CPM: variants seen among roughly 807,000 people sequenced by gnomAD.
CPM encodes carboxypeptidase M.
Under a neutral mutation model 46.4 loss-of-function variants are expected in CPM, and 35 were observed. That is an observed-to-expected ratio of 0.75 (90% CI 0.58 to 1.00). CPM has a LOEUF of 1.00. CPM is among the 50% of genes least tolerant of loss of function. The pLI is 0.00. For missense variants in CPM, 422 were observed against 530.4 expected (o/e 0.80, Z 2.01); for synonymous variants, 195 against 195.3 (o/e 1.00, Z 0.01).
intron 3 of CPM, among the ~76,000 whole-genome samples, chr12:68,876,956 A>T (rs540304287): frequency 3.3e-5 from 5 of 151,864 alleles, no homozygotes; most frequent in Admixed American, 6.6e-5. Flanking sequence ...AGCTATCCTA[A>T]CAATGGAATC....
intron 3 of CPM, among the ~76,000 whole-genome samples, chr12:68,884,269 C>G (rs768229661): frequency 1.6e-4 from 25 of 152,132 alleles, no homozygotes; most frequent in Non-Finnish European, 3.1e-4. Context: ...GCAACGTAGT[C>G]TTTTTTAAAG....
rs561950183 is a variant in CPM at position 68,851,799 on chromosome 12, T to C, written c.*4638A>G. On this transcript the variant is annotated 3_prime_UTR_variant, in exon 9 of 9. Transcript: ENST00000551568. Reference sequence around the variant, plus strand: ...AACAAACCCAAACTTCTACTTTAGCTACAGTACTGTGGACTTTCAATGCTC... The same window carrying C: ...AACAAACCCAAACTTCTACTTTAGCCACAGTACTGTGGACTTTCAATGCTC... The C allele has an allele frequency of 3.3e-5, 5 of 152,324 alleles. No homozygotes were observed. The highest frequency in any genetic ancestry group is 3.3e-4 in the Admixed American group (5 of 15,302). The allele number at this position is 152,324 out of a possible 1,614,324, so 9.4% of individuals were successfully genotyped here. A position where few individuals can be genotyped will look rare whatever the true frequency, so the allele number is the denominator to read the frequency against.
intron 3 of CPM, among the ~76,000 whole-genome samples, chr12:68,882,291 C>T (rs1006775825): frequency 2.6e-5 from 4 of 151,972 alleles, no homozygotes; most frequent in Non-Finnish European, 2.9e-5. Flanking sequence ...TTCTTTGTGC[C>T]CATGTGTATC....
upstream of CPM, among the ~76,000 whole-genome samples, chr12:68,934,977 A>T (rs921520224): frequency 1.3e-5 from 2 of 151,974 alleles, no homozygotes; most frequent in African/African-American, 4.8e-5. Flanking sequence ...CAATGGCATG[A>T]TCTCGGCTCA....
At chr12:68,894,683 A>G (rs188753506) in intron 2 of CPM, among the ~76,000 whole-genome samples, 40 of 152,304 alleles carry the variant, frequency 2.6e-4, no homozygotes, top group African/African-American at 8.7e-4. Context: ...GAATATTTCT[A>G]TAAAGTGGCA....
At chr12:68,947,587 ACT>A (rs1416830593) in intron 1 of CPM, among the ~76,000 whole-genome samples, 1 of 150,100 alleles carries the variant, frequency 6.7e-6, no homozygotes, top group Non-Finnish European at 1.5e-5. Flanking sequence ...ACAGAGTAAG[ACT>A]CTGTCTCAAA....
intron 1 of CPM, chr12:68,957,456 C>T: frequency 3.7e-6 from 1 of 267,790 alleles, no homozygotes; most frequent in South Asian, 5.0e-5. Flanking sequence ...TAAGAATGTG[C>T]TGGCAAAAGT....
At chr12:68,872,120 T>G (rs2136233095) in intron 3 of CPM, among the ~76,000 whole-genome samples, 164 bp from the exon 4 acceptor site, 1 of 152,312 alleles carries the variant, frequency 6.6e-6, no homozygotes, top group East Asian at 1.9e-4. Flanking sequence ...CTCTGCCAAG[T>G]GGCCATCAGG....
intron 7 of CPM, among the ~76,000 whole-genome samples, chr12:68,859,531 A>G (rs1353306780): frequency 1.3e-5 from 2 of 152,252 alleles, no homozygotes; most frequent in Non-Finnish European, 2.9e-5. Context: ...CAAAATTATA[A>G]TCACAAGGCT....
At chr12:68,856,767 G>A in intron 8 of CPM, 88 bp from the exon 9 acceptor site, 1 of 1,524,780 alleles carries the variant, frequency 6.6e-7, no homozygotes. Context: ...TCACTAAAAT[G>A]CAGCCTTTGT....
At chr12:68,870,799 T>C (rs935076519) in intron 4 of CPM, among the ~76,000 whole-genome samples, 3 of 152,216 alleles carry the variant, frequency 2.0e-5, no homozygotes, top group African/African-American at 7.2e-5. Flanking sequence ...GCACGGACAG[T>C]AGCCATCCCT....
At chr12:68,945,426 G>A (rs529033399) in intron 1 of CPM, among the ~76,000 whole-genome samples, 1 of 152,310 alleles carries the variant, frequency 6.6e-6, no homozygotes, top group South Asian at 2.1e-4. Context: ...CCTCCCTTGT[G>A]CTTCAGCACA....
intron 2 of CPM, among the ~76,000 whole-genome samples, chr12:68,917,813 C>A (rs1887872334): frequency 6.6e-6 from 1 of 152,184 alleles, no homozygotes; most frequent in Non-Finnish European, 1.5e-5. Flanking sequence ...CTCCCTTGAC[C>A]AGCTCTGAAC....
intron 1 of CPM, among the ~76,000 whole-genome samples, chr12:68,944,937 G>A (rs574105153): frequency 6.6e-6 from 1 of 152,210 alleles, no homozygotes; most frequent in Admixed American, 6.5e-5. Context: ...CTGGGTGGGG[G>A]CCACAGGACC....
intron 1 of CPM, among the ~76,000 whole-genome samples, chr12:68,951,908 T>C (rs1371745636): frequency 1.3e-5 from 2 of 152,220 alleles, no homozygotes; most frequent in Non-Finnish European, 2.9e-5. Flanking sequence ...AGGAGCCAGA[T>C]GCCATCAGTT....
intron 5 of CPM, chr12:68,844,720 G>C (rs1023036728): frequency 4.6e-6 from 1 of 215,614 alleles, no homozygotes; most frequent in African/African-American, 2.3e-5. Context: ...CTAGCTTTTG[G>C]CATTATATAA....
At chr12:68,954,188 T>A (rs1888977179) in intron 1 of CPM, among the ~76,000 whole-genome samples, 1 of 152,232 alleles carries the variant, frequency 6.6e-6, no homozygotes, top group African/African-American at 2.4e-5. Flanking sequence ...CTGTGCCACA[T>A]CATTTAGAAA....
chr12:68,963,158 A>T (rs527429983), intron 1 of CPM: 1 of 158,752 alleles, frequency 6.3e-6, no homozygotes, highest in Non-Finnish European at 1.4e-5. Context: ...TAAGGAAATG[A>T]TCGGACCTAC....
At chr12:68,961,462 T>G (rs1889111402) in intron 1 of CPM, among the ~76,000 whole-genome samples, 1 of 152,106 alleles carries the variant, frequency 6.6e-6, no homozygotes, top group South Asian at 2.1e-4. Context: ...TTTTATTACA[T>G]ATATTTTATT....
Sources: gnomAD v4.1 joint callset for allele counts (sites outside exome capture counted in the v4.1 genomes callset) on GRCh38, gnomAD v4.1.1 for gene constraint, MANE v1.5 for transcripts, NCBI Gene and HGNC (gene_info 2026-07-23, HGNC 2026-07-21) for gene names.